CLDN12: variants seen among roughly 807,000 people sequenced by gnomAD.
CLDN12 encodes claudin 12.
Under a neutral mutation model 15.5 loss-of-function variants are expected in CLDN12, and 9 were observed. That is an observed-to-expected ratio of 0.58 (90% CI 0.35 to 1.02). CLDN12 has a LOEUF of 1.02. CLDN12 is among the 50% of genes least tolerant of loss of function. The probability of loss-of-function intolerance (pLI) is 0.02; values close to 1 mark genes in which losing one functional copy is unlikely to be tolerated. For synonymous variants in CLDN12, 140 were observed against 121.6 expected (o/e 1.15, Z -1.00); for missense variants, 233 against 297.3 (o/e 0.78, Z 1.59).
At position 90,413,338 on chromosome 7, in the gene CLDN12, C is replaced by G. The variant is rs1797007490; in HGVS notation, c.662C>G (p.Ser221Ter). ...YSHPPSMHTY[S>*]QPYSARSRLS... ...CATCCACCCAGTATGCATACTTACTCACAGCCCTATTCAGCACGCTCTCGC... is the reference window on the plus strand; with the variant it reads ...CATCCACCCAGTATGCATACTTACTGACAGCCCTATTCAGCACGCTCTCGC... The change falls in exon 4 of 4, where the codon TCA becomes TGA. Residue 221 changes from serine to a stop codon, truncating the protein, a stop_gained. Transcript: ENST00000496677. LOFTEE classifies it high-confidence loss of function. 1.2e-6 allele frequency: 2 copies of G among 1,614,056 alleles called. No homozygotes were observed. The highest frequency in any genetic ancestry group is 1.7e-6 in the Non-Finnish European group (2 of 1,180,030).
intron 2 of CLDN12, among the ~76,000 whole-genome samples, chr7:90,411,572 T>C (rs561920706): frequency 6.6e-6 from 1 of 152,082 alleles, no homozygotes; most frequent in South Asian, 2.1e-4. Context: ...TGAACAGTAG[T>C]AGTAATAACC....
At chr7:90,406,195 G>T (rs1266822189) in intron 2 of CLDN12, 2 of 152,128 alleles carry the variant, frequency 1.3e-5, no homozygotes, top group Non-Finnish European at 2.9e-5. Context: ...ATAGTACAGG[G>T]TCTATTGGAT....
At chr7:90,411,640 G>A (rs1426269550) in intron 2 of CLDN12, among the ~76,000 whole-genome samples, 1 of 135,726 alleles carries the variant, frequency 7.4e-6, no homozygotes, top group Non-Finnish European at 1.5e-5. Flanking sequence ...GGAAGTAATT[G>A]GGTCATGTTG....
chr7:90,406,917 G>GT lies in CLDN12; in HGVS notation c.-77+1318dup, dbSNP rs558012205. Among the ~76,000 whole-genome samples the GT allele has an allele frequency of 5.3e-4, 80 of 150,944 alleles. No homozygotes were observed. In the South Asian group the frequency reaches 0.013, roughly 25 times the overall value. ...AGGGATTTTCACATGGCAAAAAGAT[G>GT]TTTTTTTTTCTCCATTAAAAAAACT... On this transcript the variant is annotated intron_variant, in intron 2 of 3. Transcript: ENST00000496677.
chr7:90,403,990 C>G, intron 1 of CLDN12, among the ~76,000 whole-genome samples: 1 of 142,694 alleles, frequency 7.0e-6, no homozygotes, highest in Non-Finnish European at 1.5e-5. Context: ...GGGTCTACCA[C>G]ACACAGGGCT....
chr7:90,412,439 A>G, intron 3 of CLDN12: 2 of 477,968 alleles, frequency 4.2e-6, no homozygotes, highest in Non-Finnish European at 7.3e-6. Context: ...GTCAGTAATA[A>G]CCAAATGTGT....
intron 2 of CLDN12, among the ~76,000 whole-genome samples, chr7:90,410,666 G>A (rs188580873): frequency 4.6e-5 from 7 of 152,040 alleles, no homozygotes. Context: ...GTGAAACCAT[G>A]TCTCTAAAAG....
rs1442790804 is a variant in CLDN12 at position 90,413,987 on chromosome 7, A to G, written c.*576A>G. On this transcript the variant is annotated 3_prime_UTR_variant, in exon 4 of 4. Coordinates refer to ENST00000496677, the MANE Select transcript of CLDN12 (RefSeq NM_001185072.3). ...TACCTCATGCCACTGTTTAAAAGTAAAACGTATTTTAACGATGTTAGAATA... is the reference window on the plus strand; with the variant it reads ...TACCTCATGCCACTGTTTAAAAGTAGAACGTATTTTAACGATGTTAGAATA... 16 of 980,918 alleles carry G rather than the reference A, an allele frequency of 1.6e-5. No homozygotes were observed. Among genetic ancestry groups the G allele is most frequent in the Non-Finnish European group, 2.0e-5 (16 of 813,290 alleles). The allele number at this position is 980,918 out of a possible 1,614,324, so 60.8% of individuals were successfully genotyped here.
At chr7:90,406,389 C>T (rs1250636205) in intron 2 of CLDN12, among the ~76,000 whole-genome samples, 1 of 152,070 alleles carries the variant, frequency 6.6e-6, no homozygotes, top group African/African-American at 2.4e-5. Context: ...AGTCAAATGA[C>T]AAATGTGAAG....
chr7:90,404,271 T>A (rs565818146), intron 1 of CLDN12, among the ~76,000 whole-genome samples: 2 of 139,488 alleles, frequency 1.4e-5, no homozygotes, highest in Non-Finnish European at 3.1e-5. Flanking sequence ...AGAAACACAT[T>A]TGGGGCGGGG....
Position 90,414,461 on chromosome 7 carries a change from T to C in CLDN12, c.*1050T>C, listed in dbSNP as rs996411871. ...ACACTTTAGTAGGTGCTATAGAGGATACATGAAAAGTATGAGATCTGGTTC... is the reference window on the plus strand; with the variant it reads ...ACACTTTAGTAGGTGCTATAGAGGACACATGAAAAGTATGAGATCTGGTTC... On this transcript the variant is annotated 3_prime_UTR_variant, in exon 4 of 4. Transcript: ENST00000496677. 1 of 915,976 alleles carries C rather than the reference T, an allele frequency of 1.1e-6. No homozygotes were observed. The highest frequency in any genetic ancestry group is 6.2e-5 in the Admixed American group (1 of 16,162). The allele number at this position is 915,976 out of a possible 1,614,324, so 56.7% of individuals were successfully genotyped here.
chr7:90,413,609 G>T lies in CLDN12; in HGVS notation c.*198G>T. Reference sequence around the variant, plus strand: ...ATTAAATGTGAATTTTTTAAATTTTGCTTCTTATACTGGAAGGAATTTTAG... The same window carrying T: ...ATTAAATGTGAATTTTTTAAATTTTTCTTCTTATACTGGAAGGAATTTTAG... On this transcript the variant is annotated 3_prime_UTR_variant, in exon 4 of 4. Transcript: ENST00000496677. The T allele has an allele frequency of 1.5e-6, 2 of 1,340,910 alleles. No individual in the cohort carries two copies. Among genetic ancestry groups the T allele is most frequent in the African/African-American group, 1.5e-5 (1 of 66,954 alleles). The allele number at this position is 1,340,910 out of a possible 1,614,324, so 83.1% of individuals were successfully genotyped here. A position where few individuals can be genotyped will look rare whatever the true frequency, so the allele number is the denominator to read the frequency against.
intron 1 of CLDN12, among the ~76,000 whole-genome samples, chr7:90,404,579 C>T (rs1272970229): frequency 6.6e-6 from 1 of 152,060 alleles, no homozygotes; most frequent in Admixed American, 6.5e-5. Context: ...GAATTCAGAT[C>T]AACTTTGTCT....
At chr7:90,408,613 G>A (rs78358472) in intron 2 of CLDN12, among the ~76,000 whole-genome samples, 1 of 152,192 alleles carries the variant, frequency 6.6e-6, no homozygotes, top group Non-Finnish European at 1.5e-5. Context: ...AAAGAAGCTA[G>A]ACATTAATTC....
rs1797004504 is a variant in CLDN12 at position 90,413,249 on chromosome 7, A to C, written c.573A>C (p.Ile191=). 1 of 1,613,852 alleles carries C rather than the reference A, an allele frequency of 6.2e-7. No individual in the cohort carries two copies. Among genetic ancestry groups the C allele is most frequent in the South Asian group, 1.1e-5 (1 of 91,070 alleles). ...SAGGLFMTSL[I]LFIWYCTCKS... ...GGGGCCTGTTTATGACTTCCCTTAT[A>C]CTATTTATTTGGTATTGTACATGCA... The change falls in exon 4 of 4, where the codon ATA becomes ATC. Residue 191 remains isoleucine (I), a synonymous_variant. Transcript: ENST00000496677.
At chr7:90,411,313 G>T (rs1335586865) in intron 2 of CLDN12, among the ~76,000 whole-genome samples, 1 of 152,204 alleles carries the variant, frequency 6.6e-6, no homozygotes, top group Non-Finnish European at 1.5e-5. Flanking sequence ...GAAGTAGTCT[G>T]CTCTATTGCC....
At chr7:90,412,508 A>C (rs1796987521) in intron 3 of CLDN12, 136 bp from the exon 4 acceptor site, 4 of 697,090 alleles carry the variant, frequency 5.7e-6, no homozygotes, top group African/African-American at 1.8e-5. Context: ...TACTGTACAG[A>C]GAGGAAACAA....
At position 90,413,674 on chromosome 7, in the gene CLDN12, G is replaced by T; in HGVS notation, c.*263G>T. 1.6e-6 allele frequency: 2 copies of T among 1,216,512 alleles called. No homozygotes were observed. Among genetic ancestry groups the T allele is most frequent in the Admixed American group, 4.1e-5 (1 of 24,324 alleles). The allele number at this position is 1,216,512 out of a possible 1,614,324, so 75.4% of individuals were successfully genotyped here. A position where few individuals can be genotyped will look rare whatever the true frequency, so the allele number is the denominator to read the frequency against. The stretch of plus-strand genomic sequence containing the variant: ...TCTAATTAATTATTTAAGTGGAAGA[G>T]GCCTGCATCACAATTGAGGTAATGT... On this transcript the variant is annotated 3_prime_UTR_variant, in exon 4 of 4. Coordinates refer to ENST00000496677, the MANE Select transcript of CLDN12 (RefSeq NM_001185072.3).
intron 2 of CLDN12, among the ~76,000 whole-genome samples, chr7:90,407,191 C>T (rs1360563877): frequency 6.6e-6 from 1 of 152,142 alleles, no homozygotes; most frequent in Non-Finnish European, 1.5e-5. Context: ...AGCCACCACG[C>T]CGCGCCAGGA....
Sources: gnomAD v4.1 joint callset for allele counts (sites outside exome capture counted in the v4.1 genomes callset) on GRCh38, gnomAD v4.1.1 for gene constraint, MANE v1.5 for transcripts, NCBI Gene and HGNC (gene_info 2026-07-23, HGNC 2026-07-21) for gene names.